TAF3: variants seen among roughly 807,000 people sequenced by gnomAD.
The protein encoded by TAF3 is TATA-box binding protein associated factor 3.
A neutral mutation model predicts 80.6 loss-of-function variants in TAF3; 7 were observed. The observed-to-expected ratio is 0.09, with a 90% CI of 0.05 to 0.16. TAF3 has a LOEUF of 0.16. Among genes scored for constraint, TAF3 ranks in the 10% least tolerant of loss-of-function variants. The pLI is 1.00. For synonymous variants in TAF3, 444 were observed against 446.1 expected (o/e 1.00, Z 0.06); for missense variants, 921 against 1,140.2 (o/e 0.81, Z 2.77).
chr10:7,912,225 A>G (rs1837663154), intron 2 of TAF3, among the ~76,000 whole-genome samples: 1 of 152,216 alleles, frequency 6.6e-6, no homozygotes, highest in South Asian at 2.1e-4. Context: ...AACCAAATAC[A>G]AGTAGGAGAA....
At chr10:7,830,393 GT>G (rs1836786374) in intron 2 of TAF3, among the ~76,000 whole-genome samples, 1 of 123,104 alleles carries the variant, frequency 8.1e-6, no homozygotes, top group Admixed American at 9.5e-5. Flanking sequence ...TAGCTTTATA[GT>G]TTTATCAGCC....
At chr10:7,846,956 A>G (rs1836978447) in intron 2 of TAF3, among the ~76,000 whole-genome samples, 1 of 152,204 alleles carries the variant, frequency 6.6e-6, no homozygotes, top group Non-Finnish European at 1.5e-5. Context: ...GAATAGATTA[A>G]AAAGGACTGG....
intron 4 of TAF3, among the ~76,000 whole-genome samples, chr10:8,008,259 G>T (rs935302915): frequency 2.0e-5 from 3 of 151,944 alleles, no homozygotes; most frequent in African/African-American, 7.3e-5. Flanking sequence ...ACTGCACCCG[G>T]CTAATTTTTT....
intron 2 of TAF3, among the ~76,000 whole-genome samples, chr10:7,827,407 A>C (rs1836752582): frequency 6.6e-6 from 1 of 152,114 alleles, no homozygotes; most frequent in African/African-American, 2.4e-5. Context: ...GTGATGGCTT[A>C]TGCACTTTGG....
chr10:8,006,289 TC>T (rs1478141076), intron 4 of TAF3, among the ~76,000 whole-genome samples: 1 of 149,574 alleles, frequency 6.7e-6, no homozygotes, highest in Non-Finnish European at 1.5e-5. Flanking sequence ...GGCGGGAGAA[TC>T]ACTTGAACCC....
chr10:7,977,153 A>T, intron 3 of TAF3, 88 bp from the exon 4 acceptor site: 4 of 1,257,760 alleles, frequency 3.2e-6, no homozygotes, highest in Non-Finnish European at 4.6e-6. Context: ...TTTTTAACTC[A>T]GTTTGTGAGA....
intron 3 of TAF3, among the ~76,000 whole-genome samples, chr10:7,976,885 CAGTTTTTTCTATTTATATTA>C (rs1831678856): frequency 2.0e-5 from 3 of 152,154 alleles, no homozygotes; most frequent in Admixed American, 2.0e-4. Flanking sequence ...GACATCATCG[CAGTTTTTTCTATTTATATTA>C]AGTCTGGTAA....
At chr10:7,819,478 C>T (rs143770164) in intron 1 of TAF3, among the ~76,000 whole-genome samples, 1 of 152,260 alleles carries the variant, frequency 6.6e-6, no homozygotes, top group Non-Finnish European at 1.5e-5. Flanking sequence ...CTTTCACTTA[C>T]GTCTCGGTTA....
chr10:7,832,586 C>G (rs1301765502), intron 2 of TAF3, among the ~76,000 whole-genome samples: 1 of 152,128 alleles, frequency 6.6e-6, no homozygotes, highest in Non-Finnish European at 1.5e-5. Context: ...CACTGTCACC[C>G]AGGCTGGAGT....
chr10:7,959,160 AC>A (rs879354405), intron 2 of TAF3, among the ~76,000 whole-genome samples: 1,565 of 138,040 alleles, frequency 0.011, 11 homozygotes, highest in South Asian at 0.016. Context: ...ACACACACAC[AC>A]ACAAAAAAAG....
chr10:7,941,702 A>T (rs745336002), intron 2 of TAF3, among the ~76,000 whole-genome samples: 6 of 152,152 alleles, frequency 3.9e-5, no homozygotes, highest in Non-Finnish European at 5.9e-5. Context: ...GTAAGTTCTC[A>T]TGGGGTCAGT....
chr10:7,894,278 T>C (rs1243801349), intron 2 of TAF3, among the ~76,000 whole-genome samples: 1 of 152,132 alleles, frequency 6.6e-6, no homozygotes, highest in African/African-American at 2.4e-5. Context: ...GCAGGGACAG[T>C]CGGCCCTCAG....
chr10:8,009,334 C>A lies in TAF3; in HGVS notation c.2568+4C>A. ...TGAGACGGTCAGCACCTACGTGGTG[C>A]GTACCTGCCGCCCGCGCGGTTAGCA... On this transcript the variant is annotated splice_donor_region_variant and intron_variant, in intron 5 of 6. Coordinates refer to ENST00000344293, the MANE Select transcript of TAF3 (RefSeq NM_031923.4). This position sits in a 1 kb window ranked among gnomAD's most constrained non-coding sequence, Gnocchi z 4.1. 1 of 1,590,084 alleles carries A rather than the reference C, an allele frequency of 6.3e-7. No homozygotes were observed. Among genetic ancestry groups the A allele is most frequent in the Non-Finnish European group, 8.6e-7 (1 of 1,168,802 alleles).
intron 2 of TAF3, among the ~76,000 whole-genome samples, chr10:7,857,707 C>T (rs1350544995): frequency 6.6e-6 from 1 of 152,080 alleles, no homozygotes; most frequent in Non-Finnish European, 1.5e-5. Flanking sequence ...GTATAAATAT[C>T]TAAGAAAAGC....
chr10:7,944,279 A>G (rs1001476202), intron 2 of TAF3, among the ~76,000 whole-genome samples: 1 of 152,256 alleles, frequency 6.6e-6, no homozygotes. Flanking sequence ...ATTTTGCTGA[A>G]ATTAGATGGA....
chr10:7,868,676 ACC>A (rs1230593650), intron 2 of TAF3, among the ~76,000 whole-genome samples: 4 of 152,214 alleles, frequency 2.6e-5, no homozygotes, highest in Non-Finnish European at 5.9e-5. Flanking sequence ...CATAAATAGT[ACC>A]CACATAACAG....
intron 2 of TAF3, among the ~76,000 whole-genome samples, chr10:7,950,587 C>T (rs148501618): frequency 4.8e-4 from 73 of 152,210 alleles, no homozygotes; most frequent in African/African-American, 1.6e-3. Flanking sequence ...GTCAGTAGTC[C>T]GTAAAAGTAC....
At chr10:7,827,646 G>A (rs1211249733) in intron 2 of TAF3, among the ~76,000 whole-genome samples, 2 of 152,100 alleles carry the variant, frequency 1.3e-5, no homozygotes, top group Non-Finnish European at 2.9e-5. Flanking sequence ...TGGGCGTGGT[G>A]GCGGGTGCCT....
intron 2 of TAF3, among the ~76,000 whole-genome samples, chr10:7,925,814 A>G (rs200336928): frequency 2.3e-5 from 3 of 133,286 alleles, no homozygotes; most frequent in Non-Finnish European, 3.3e-5. Flanking sequence ...AAAAAAAAAG[A>G]AAAGAAAAGA....
Sources: gnomAD v4.1 joint callset for allele counts (sites outside exome capture counted in the v4.1 genomes callset) on GRCh38, gnomAD v4.1.1 for gene constraint, Gnocchi (gnomAD v3.1) non-coding constraint, MANE v1.5 for transcripts, NCBI Gene and HGNC (gene_info 2026-07-23, HGNC 2026-07-21) for gene names.